The following GRID2 variants were observed in gnomAD, a reference collection of about 807,000 sequenced individuals.
GRID2 encodes the protein glutamate receptor ionotropic, delta-2.
A neutral mutation model predicts 114.8 loss-of-function variants in GRID2; 33 were observed. The ratio of observed to expected loss-of-function variants is 0.29; its 90% confidence interval spans 0.22 to 0.38. The LOEUF (loss-of-function observed/expected upper bound fraction) is 0.38. Among genes scored for constraint, GRID2 ranks in the 10% least tolerant of loss-of-function variants. The probability of loss-of-function intolerance (pLI) is 1.00; values close to 1 mark genes in which losing one functional copy is unlikely to be tolerated. For missense variants in GRID2, 1,184 were observed against 1,257.7 expected (o/e 0.94, Z 0.89); for synonymous variants, 505 against 449.9 (o/e 1.12, Z -1.55).
At chr4:93,507,865 T>C (rs999732088) in intron 12 of GRID2, among the ~76,000 whole-genome samples, 4 of 152,170 alleles carry the variant, frequency 2.6e-5, no homozygotes, top group African/African-American at 9.7e-5. Flanking sequence ...TGGCAAAATA[T>C]TATGACAGGC....
intron 8 of GRID2, among the ~76,000 whole-genome samples, chr4:93,278,395 C>T (rs949071848): frequency 6.6e-6 from 1 of 151,716 alleles, no homozygotes; most frequent in African/African-American, 2.4e-5. Flanking sequence ...GAGAGATAGT[C>T]GTTAAAACTG....
At chr4:93,089,574 T>A (rs1298676406) in intron 3 of GRID2, among the ~76,000 whole-genome samples, 13 of 152,156 alleles carry the variant, frequency 8.5e-5, no homozygotes, top group Non-Finnish European at 4.4e-5. Context: ...CTCTCAAACT[T>A]TGTTTACCTG....
At chr4:92,462,063 GT>G (rs1240629816) in intron 1 of GRID2, among the ~76,000 whole-genome samples, 2 of 152,046 alleles carry the variant, frequency 1.3e-5, no homozygotes, top group Non-Finnish European at 2.9e-5. Flanking sequence ...AATAGGTATT[GT>G]TTTGAAATGT....
chr4:92,727,734 G>A (rs115298634), intron 2 of GRID2, among the ~76,000 whole-genome samples: 1,523 of 152,130 alleles, frequency 0.01, 22 homozygotes, highest in African/African-American at 0.035. Context: ...AATTGATGGA[G>A]GAGAGAAGAG....
At chr4:93,279,035 T>C (rs1257400461) in intron 8 of GRID2, among the ~76,000 whole-genome samples, 1 of 151,884 alleles carries the variant, frequency 6.6e-6, no homozygotes, top group Non-Finnish European at 1.5e-5. Flanking sequence ...ATTGGTATCA[T>C]TTAAACAATT....
chr4:92,918,230 A>G (rs1053635491), intron 2 of GRID2, among the ~76,000 whole-genome samples: 3 of 152,182 alleles, frequency 2.0e-5, no homozygotes, highest in Admixed American at 2.0e-4. Context: ...GAGGTTGCCT[A>G]TCAGCTTAAG....
intron 8 of GRID2, among the ~76,000 whole-genome samples, chr4:93,349,275 A>T (rs531776775): frequency 7.9e-5 from 12 of 152,106 alleles, no homozygotes; most frequent in Admixed American, 3.3e-4. Flanking sequence ...TTTGCCATCT[A>T]CTCCATTACT....
intron 8 of GRID2, among the ~76,000 whole-genome samples, chr4:93,368,189 G>A (rs1368461712): frequency 6.6e-6 from 1 of 152,062 alleles, no homozygotes; most frequent in Non-Finnish European, 1.5e-5. Context: ...AACCAATAAA[G>A]TGACAGTTAA....
chr4:93,275,433 T>C (rs201507003), intron 8 of GRID2, among the ~76,000 whole-genome samples: 1 of 15,604 alleles, frequency 6.4e-5, no homozygotes, highest in South Asian at 1.7e-3. Flanking sequence ...GATATATACA[T>C]ATATATATAT....
chr4:92,615,591 T>A (rs1311704004), intron 2 of GRID2, among the ~76,000 whole-genome samples: 1 of 151,688 alleles, frequency 6.6e-6, no homozygotes, highest in African/African-American at 2.4e-5. Flanking sequence ...CCATTTACTA[T>A]AGGTGTTTAA....
At chr4:93,156,670 G>C (rs1001385058) in intron 4 of GRID2, among the ~76,000 whole-genome samples, 2 of 151,710 alleles carry the variant, frequency 1.3e-5, no homozygotes, top group South Asian at 4.1e-4. Flanking sequence ...GGTGGAAATG[G>C]GTGGGTAGTG....
chr4:93,745,291 C>T (rs192720499), intron 14 of GRID2, among the ~76,000 whole-genome samples: 1 of 152,164 alleles, frequency 6.6e-6, no homozygotes, highest in African/African-American at 2.4e-5. Context: ...AACTACATTT[C>T]CTTTACTGAA....
In GRID2 at chr4:92,953,198, G is replaced by C. The variant is rs112869227; in HGVS notation, c.245-131797G>C. Among the ~76,000 whole-genome samples, 10 of 152,242 alleles carry C rather than the reference G, an allele frequency of 6.6e-5. No homozygotes were observed. The East Asian group carries it at 1.9e-3, about 29-fold the overall frequency. ...CACATTCAGAGGGACTGGGAGTTAG[G>C]CTTCAATATATTTTGAGTTTGGGGA... On this transcript the variant is annotated intron_variant, in intron 2 of 15. Coordinates refer to ENST00000282020, the MANE Select transcript of GRID2 (RefSeq NM_001510.4).
intron 14 of GRID2, among the ~76,000 whole-genome samples, chr4:93,656,469 G>C (rs1225465648): frequency 6.6e-6 from 1 of 151,956 alleles, no homozygotes; most frequent in Non-Finnish European, 1.5e-5. Flanking sequence ...ATCTACTACA[G>C]ATGATTATGT....
At chr4:92,950,479 T>A (rs1751948823) in intron 2 of GRID2, among the ~76,000 whole-genome samples, 1 of 152,198 alleles carries the variant, frequency 6.6e-6, no homozygotes. Context: ...TATACGTGAT[T>A]TTTTTAGTCC....
intron 1 of GRID2, among the ~76,000 whole-genome samples, chr4:92,392,411 T>C (rs1178928068): frequency 6.6e-6 from 1 of 152,020 alleles, no homozygotes; most frequent in Admixed American, 6.6e-5. Flanking sequence ...TGGTGGTGTG[T>C]GCCTGTAATC....
chr4:93,015,058 C>G (rs1722544567), intron 2 of GRID2, among the ~76,000 whole-genome samples: 1 of 152,086 alleles, frequency 6.6e-6, no homozygotes, highest in Non-Finnish European at 1.5e-5. Flanking sequence ...TTGTTAAATG[C>G]TTAATGTAAG....
intron 14 of GRID2, among the ~76,000 whole-genome samples, chr4:93,632,537 T>C (rs957980224): frequency 3.9e-5 from 6 of 152,124 alleles, no homozygotes; most frequent in Non-Finnish European, 8.8e-5. Context: ...AGATGTGTGG[T>C]ATTATTTCTG....
At position 92,711,184 on chromosome 4, in the gene GRID2, A is replaced by T. The variant is rs1047583753; in HGVS notation, c.244+120898A>T. On this transcript the variant is annotated intron_variant, in intron 2 of 15. Transcript: ENST00000282020. ...CAAATTATTCCAAAAGTAAAATTTT[A>T]AAATGAAGTATGTATTCAGACCCTT... is the stretch of plus-strand genomic sequence containing the variant. Among the ~76,000 whole-genome samples, 5 of 152,192 alleles carry T rather than the reference A, an allele frequency of 3.3e-5. No homozygotes were observed. In the East Asian group the frequency reaches 7.7e-4, roughly 23 times the overall value.
Sources: gnomAD v4.1 joint callset for allele counts (sites outside exome capture counted in the v4.1 genomes callset) on GRCh38, gnomAD v4.1.1 for gene constraint, MANE v1.5 for transcripts, NCBI Gene and HGNC (gene_info 2026-07-23, HGNC 2026-07-21) for gene names.